Variants in SPAG17 observed in about 807,000 individuals in gnomAD.
SPAG17 encodes sperm-associated antigen 17.
SPAG17 carries 169 observed loss-of-function variants against 273.6 expected under a neutral mutation model. That is an observed-to-expected ratio of 0.62 (90% CI 0.55 to 0.70). SPAG17 has a LOEUF of 0.70. SPAG17 is among the 30% of genes least tolerant of loss of function. The probability of loss-of-function intolerance (pLI) is 0.00; values close to 1 mark genes in which losing one functional copy is unlikely to be tolerated. For synonymous variants in SPAG17, 825 were observed against 873.2 expected (o/e 0.94, Z 0.97); for missense variants, 2,557 against 2,627.8 (o/e 0.97, Z 0.59).
At chr1:118,145,317 A>G (rs975694843) in intron 3 of SPAG17, among the ~76,000 whole-genome samples, 1 of 152,246 alleles carries the variant, frequency 6.6e-6, no homozygotes, top group African/African-American at 2.4e-5. Context: ...GAATCTGAAA[A>G]AGAGTGGCAA....
At chr1:118,031,942 C>T in intron 24 of SPAG17, 75 bp from the exon 25 acceptor site, 1 of 1,261,940 alleles carries the variant, frequency 7.9e-7, no homozygotes, top group South Asian at 1.6e-5. Flanking sequence ...ACATTTACAA[C>T]TCAAAAATTT....
chr1:118,074,464 A>G (rs1363461213), intron 16 of SPAG17, 75 bp downstream of exon 16: 2 of 1,229,306 alleles, frequency 1.6e-6, no homozygotes, highest in African/African-American at 3.0e-5. Flanking sequence ...TTTCTTTTTC[A>G]GTGTTTCTTA....
At chr1:118,028,611 C>T in intron 25 of SPAG17, among the ~76,000 whole-genome samples, 1 of 152,064 alleles carries the variant, frequency 6.6e-6, no homozygotes, top group Non-Finnish European at 1.5e-5. Context: ...ACAGTTGGCA[C>T]ATCTTTTCTC....
intron 3 of SPAG17, among the ~76,000 whole-genome samples, chr1:118,146,574 T>C (rs1176868817): frequency 6.6e-6 from 1 of 152,204 alleles, no homozygotes; most frequent in African/African-American, 2.4e-5. Context: ...ACTACAAATG[T>C]AGTACACATT....
At position 117,987,877 on chromosome 1, in the gene SPAG17, T is replaced by C. The variant is rs200338065; in HGVS notation, c.5626A>G (p.Thr1876Ala). The change falls in exon 40 of 49, where the codon ACA (threonine) becomes GCA (alanine). Residue 1876 changes from threonine to alanine, a missense_variant. Thr to Ala is a moderately conservative substitution (Grantham distance 58, BLOSUM62 0). Coordinates refer to ENST00000336338, the MANE Select transcript of SPAG17 (RefSeq NM_206996.4). ...TCTTTCCAGCGTTTTGAGGATGCTGTGTGTCTATGTGAAAGGAAAGGAAAG... is the reference window on the plus strand; with the variant it reads ...TCTTTCCAGCGTTTTGAGGATGCTGCGTGTCTATGTGAAAGGAAAGGAAAG... ...KDFFEKTWRH[T>A]ASSKRWKEKI... The C allele has an allele frequency of 6.2e-7, 1 of 1,611,296 alleles. No individual in the cohort carries two copies. Among genetic ancestry groups the C allele is most frequent in the Non-Finnish European group, 8.5e-7 (1 of 1,177,686 alleles).
At chr1:118,150,325 AT>A (rs1659302097) in intron 3 of SPAG17, 2 of 358,912 alleles carry the variant, frequency 5.6e-6, no homozygotes, top group Non-Finnish European at 5.1e-6. Flanking sequence ...GGTATAAACG[AT>A]CTAGGAAATT....
chr1:118,156,831 ATGAGTT>A (rs1489398620), intron 1 of SPAG17, among the ~76,000 whole-genome samples: 1 of 150,934 alleles, frequency 6.6e-6, no homozygotes, highest in African/African-American at 2.4e-5. Flanking sequence ...AGAAATTCTT[ATGAGTT>A]TGATTTATGG....
intron 3 of SPAG17, among the ~76,000 whole-genome samples, chr1:118,140,333 A>G (rs1337207606): frequency 6.6e-6 from 1 of 152,186 alleles, no homozygotes; most frequent in East Asian, 1.9e-4. Flanking sequence ...ACATTTCAAA[A>G]TTGTTAAATT....
At chr1:117,963,609 C>G (rs180837500) in intron 48 of SPAG17, 190 bp downstream of exon 48, 245 of 395,510 alleles carry the variant, frequency 6.2e-4, no homozygotes, top group Middle Eastern at 3.1e-3. Flanking sequence ...TGTGATCCAC[C>G]CACCTCGGCC....
At chr1:118,024,304 C>T (rs138906030) in intron 27 of SPAG17, among the ~76,000 whole-genome samples, 2 of 152,074 alleles carry the variant, frequency 1.3e-5, no homozygotes, top group East Asian at 1.9e-4. Context: ...CAAAATCTAC[C>T]CCTTCCCATT....
chr1:117,958,463 T>A lies in SPAG17; in HGVS notation c.*1-4414A>T, dbSNP rs1208181799. On this transcript the variant is annotated intron_variant, in intron 48 of 48. Transcript: ENST00000336338. ...ATGGATGGGTACTACCTGACAGGTA[T>A]GGTAGGGTCATCAAGGATATCTTGG... Among the ~76,000 whole-genome samples the A allele has an allele frequency of 2.6e-5, 4 of 152,296 alleles. No homozygotes were observed. In the East Asian group the frequency reaches 7.7e-4, roughly 29 times the overall value.
intron 1 of SPAG17, among the ~76,000 whole-genome samples, chr1:118,162,501 TA>T: frequency 6.6e-6 from 1 of 152,296 alleles, no homozygotes; most frequent in Non-Finnish European, 1.5e-5. Context: ...TCACTTCCCT[TA>T]AACAGCATCA....
chr1:118,033,601 C>G (rs1557935072), intron 24 of SPAG17, among the ~76,000 whole-genome samples: 1 of 152,156 alleles, frequency 6.6e-6, no homozygotes, highest in Non-Finnish European at 1.5e-5. Context: ...AAATTATGCT[C>G]CTAAAGTAAA....
At chr1:118,050,932 A>T (rs1650936507) in intron 20 of SPAG17, among the ~76,000 whole-genome samples, 1 of 151,878 alleles carries the variant, frequency 6.6e-6, no homozygotes, top group Non-Finnish European at 1.5e-5. Context: ...CAACAAAGAA[A>T]ACAATCAACA....
At position 118,008,197 on chromosome 1, in the gene SPAG17, G is replaced by A. The variant is rs146404117; in HGVS notation, c.4434C>T (p.Thr1478=). ...GCCTGGTGACAGTCCGAGGACCCTCGGCTACAAGCAAATGCAAGGTAAGCA... is the reference window on the plus strand; with the variant it reads ...GCCTGGTGACAGTCCGAGGACCCTCAGCTACAAGCAAATGCAAGGTAAGCA... ...QIILPDDQET[T]EGPRTVTRQV... The change falls in exon 31 of 49, where the codon ACC becomes ACT. Residue 1478 remains threonine (T), a splice_region_variant and synonymous_variant. Transcript: ENST00000336338. 3.7e-6 allele frequency: 6 copies of A among 1,613,430 alleles called. No individual in the cohort carries two copies. Among genetic ancestry groups the A allele is most frequent in the Admixed American group, 1.7e-5 (1 of 59,888 alleles).
intron 28 of SPAG17, among the ~76,000 whole-genome samples, chr1:118,017,686 C>G (rs886849735): frequency 4.0e-5 from 6 of 151,892 alleles, no homozygotes; most frequent in African/African-American, 7.3e-5. Flanking sequence ...ATTAGAAATT[C>G]AAGTTGGCAG....
At chr1:117,992,301 T>C (rs1247480782) in intron 36 of SPAG17, among the ~76,000 whole-genome samples, 165 bp downstream of exon 36, 1 of 152,200 alleles carries the variant, frequency 6.6e-6, no homozygotes, top group Non-Finnish European at 1.5e-5. Flanking sequence ...TGGGAACCAT[T>C]AAATATTTTC....
chr1:118,061,087 C>T (rs571851861), intron 18 of SPAG17, among the ~76,000 whole-genome samples: 1 of 152,178 alleles, frequency 6.6e-6, no homozygotes, highest in South Asian at 2.1e-4. Context: ...AACTGGAACC[C>T]TTATATATGG....
intron 48 of SPAG17, chr1:117,954,465 T>C (rs1651868381): frequency 1.0e-6 from 1 of 995,242 alleles, no homozygotes; most frequent in Non-Finnish European, 1.5e-6. Flanking sequence ...GTCAGTTTTT[T>C]AGGGTCTCTT....
Sources: gnomAD v4.1 joint callset for allele counts (sites outside exome capture counted in the v4.1 genomes callset) on GRCh38, gnomAD v4.1.1 for gene constraint, MANE v1.5 for transcripts, NCBI Gene and HGNC (gene_info 2026-07-23, HGNC 2026-07-21) for gene names.